Variants in PHEX observed in about 807,000 individuals in gnomAD.
The protein encoded by PHEX is phosphate regulating endopeptidase X-linked.
In PHEX, 16 loss-of-function variants were observed where a neutral mutation model predicts 68.0. That is an observed-to-expected ratio of 0.24 (90% CI 0.16 to 0.36). PHEX has a LOEUF of 0.36. Ranked by LOEUF, PHEX falls within the 10% of genes least tolerant of loss-of-function variation. The probability of loss-of-function intolerance (pLI) is 1.00; values close to 1 mark genes in which losing one functional copy is unlikely to be tolerated. For synonymous variants in PHEX, 208 were observed against 205.1 expected (o/e 1.01, Z -0.12); for missense variants, 480 against 575.5 (o/e 0.83, Z 1.70).
At chrX:22,090,322 A>G (rs1929822761) in intron 5 of PHEX, 107 bp from the exon 6 acceptor site, 1 of 620,897 alleles carries the variant, frequency 1.6e-6, no homozygotes, top group African/African-American at 2.1e-5. Flanking sequence ...TAATGGTGAC[A>G]TGAGCTCAAA....
intron 7 of PHEX, among the ~76,000 whole-genome samples, chrX:22,094,944 C>A (rs1049306681): frequency 8.9e-6 from 1 of 111,882 alleles, no homozygotes; most frequent in Non-Finnish European, 1.9e-5. Flanking sequence ...TCTGGGGAAA[C>A]CCTGTAGTGA....
At chrX:22,078,098 G>A in intron 5 of PHEX, among the ~76,000 whole-genome samples, 1 of 111,927 alleles carries the variant, frequency 8.9e-6, no homozygotes, top group Non-Finnish European at 1.9e-5. Context: ...ATGATTTTTT[G>A]TTCCTCTTTC....
intron 17 of PHEX, among the ~76,000 whole-genome samples, chrX:22,220,641 A>C (rs979251389): frequency 8.9e-6 from 1 of 112,133 alleles, no homozygotes; most frequent in Non-Finnish European, 1.9e-5. Context: ...CTCTGTAACC[A>C]ATGCTTAGAA....
At chrX:22,178,515 G>A (rs757840540) in intron 14 of PHEX, 139 bp downstream of exon 14, 6 of 374,014 alleles carry the variant, frequency 1.6e-5, no homozygotes, top group Admixed American at 4.1e-5. Flanking sequence ...TCTGTGTCAT[G>A]TTTTGCCAAC....
chrX:22,105,308 G>A (rs764471945), intron 9 of PHEX, among the ~76,000 whole-genome samples: 2 of 112,532 alleles, frequency 1.8e-5, no homozygotes, highest in East Asian at 2.8e-4. Context: ...TGTGCAGAAC[G>A]ATGCGGAGAT....
chrX:22,046,272 A>G (rs1927523691), intron 2 of PHEX, among the ~76,000 whole-genome samples: 1 of 111,923 alleles, frequency 8.9e-6, no homozygotes, highest in East Asian at 2.8e-4. Flanking sequence ...AAGGCCTCTT[A>G]AGGCTTAGCT....
intron 15 of PHEX, among the ~76,000 whole-genome samples, chrX:22,201,207 C>G (rs1053755610): frequency 1.8e-5 from 2 of 111,159 alleles, no homozygotes; most frequent in African/African-American, 6.5e-5. Context: ...GACAGAGTCT[C>G]ACTCTGTCAC....
chrX:22,219,002 G>A (rs1481499201), intron 16 of PHEX, 34 bp from the exon 17 acceptor site: 9 of 971,287 alleles, frequency 9.3e-6, no homozygotes, highest in Non-Finnish European at 1.2e-5. Flanking sequence ...ATTCATGCTT[G>A]TAATTGTCTC....
chrX:22,167,865 T>A (rs1422432982), intron 12 of PHEX, among the ~76,000 whole-genome samples: 1 of 111,233 alleles, frequency 9.0e-6, no homozygotes, highest in Admixed American at 9.6e-5. Context: ...ATATTTTGGA[T>A]ATTAACCCTT....
intron 3 of PHEX, among the ~76,000 whole-genome samples, chrX:22,059,589 A>G (rs1333267136): frequency 3.6e-5 from 4 of 112,193 alleles, no homozygotes; most frequent in Non-Finnish European, 7.5e-5. Flanking sequence ...AGAATGGTCC[A>G]TAGGTTTCAA....
At chrX:22,162,492 C>T (rs1384220747) in intron 12 of PHEX, among the ~76,000 whole-genome samples, 2 of 111,647 alleles carry the variant, frequency 1.8e-5, no homozygotes, top group East Asian at 5.6e-4. Context: ...ATCACAGTTA[C>T]TCCAAATCCT....
rs562830371 is a variant in PHEX at position 22,158,780 on chromosome X, A to C, written c.1405-9532A>C. 2.2e-4 allele frequency among the ~76,000 whole-genome samples: 25 copies of C among 112,332 alleles called. No homozygotes were observed. In the South Asian group the frequency reaches 8.1e-3, roughly 36 times the overall value. ...AATTATGCCTGATTCTGTTCTTCCCACCAGCATTATCAAGTTGTAGTATAC... is the reference window on the plus strand; with the variant it reads ...AATTATGCCTGATTCTGTTCTTCCCCCCAGCATTATCAAGTTGTAGTATAC... On this transcript the variant is annotated intron_variant, in intron 12 of 21. Transcript: ENST00000379374.
chrX:22,233,884 G>GA (rs1184435453), intron 20 of PHEX, among the ~76,000 whole-genome samples: 1 of 111,983 alleles, frequency 8.9e-6, no homozygotes, highest in Non-Finnish European at 1.9e-5. Context: ...CTTTGGAGGA[G>GA]AGGAGGTATT....
intron 5 of PHEX, among the ~76,000 whole-genome samples, chrX:22,087,507 A>T (rs186836420): frequency 0.024 from 2,719 of 111,469 alleles, 41 homozygotes; most frequent in South Asian, 0.052. Flanking sequence ...TTTTCCTGGA[A>T]TTTTTCATAA....
intron 12 of PHEX, among the ~76,000 whole-genome samples, chrX:22,165,640 A>G (rs1038914423): frequency 9.0e-6 from 1 of 111,654 alleles, no homozygotes; most frequent in Non-Finnish European, 1.9e-5. Flanking sequence ...TGGCCATTAG[A>G]AAAGAAAAAA....
At chrX:22,230,147 C>T (rs1935663237) in intron 20 of PHEX, among the ~76,000 whole-genome samples, 1 of 97,702 alleles carries the variant, frequency 1.0e-5, no homozygotes, top group South Asian at 5.1e-4. Context: ...ATACTGCAGT[C>T]TTGTAGTAAA....
At chrX:22,185,432 G>A (rs1209985655) in intron 14 of PHEX, among the ~76,000 whole-genome samples, 4 of 112,135 alleles carry the variant, frequency 3.6e-5, no homozygotes, top group Non-Finnish European at 7.5e-5. Flanking sequence ...GGGCCAGTCA[G>A]TTAACAAATG....
chrX:22,111,690 T>C lies in PHEX; in HGVS notation c.1173+130T>C, dbSNP rs189058594. On this transcript the variant is annotated intron_variant, in intron 10 of 21. Transcript: ENST00000379374. ...GGGGGAGTTTGTAGCCCAAGCTCTA[T>C]TGTTTTTGTGTGTGTGTGTGTGCCT... is the stretch of plus-strand genomic sequence containing the variant. The C allele has an allele frequency of 7.4e-6, 4 of 541,633 alleles. No individual in the cohort carries two copies. In the African/African-American group the frequency reaches 9.2e-5, roughly 12 times the overall value. The allele number at this position is 541,633 out of a possible 1,213,427, so 44.6% of individuals were successfully genotyped here.
rs752843835 is a variant in PHEX at position 22,037,100 on chromosome X, G to GGAA, written c.119-1369_119-1368insGAA. Among the ~76,000 whole-genome samples the GGAA allele has an allele frequency of 7.2e-4, 61 of 84,182 alleles. 1 individual carries two copies. Among genetic ancestry groups the GGAA allele is most frequent in the Middle Eastern group, 6.6e-3 (1 of 152 alleles). 73.1% of individuals were successfully genotyped at this position (84,182 alleles called of 115,157 possible). ...GGTGACAGAGTGAGACTCTTGTCTC[G>GGAA]AAAAAAAAAAAAAAAATAGGACTGA... On this transcript the variant is annotated intron_variant, in intron 1 of 21. Transcript: ENST00000379374.
Sources: allele counts gnomAD v4.1 joint callset (sites outside exome capture counted in the v4.1 genomes callset), GRCh38; gene constraint gnomAD v4.1.1; transcripts MANE v1.5; gene names NCBI Gene and HGNC (gene_info 2026-07-23, HGNC 2026-07-21).